CLDN14: variants seen among roughly 807,000 people sequenced by gnomAD.
The protein encoded by CLDN14 is claudin 14, also known as claudin-14.
CLDN14 carries 2 observed loss-of-function variants against 2.1 expected under a neutral mutation model. That is an observed-to-expected ratio of 0.96 (90% CI 0.39 to 3.01). CLDN14 has a LOEUF of 3.01. Among genes scored for constraint, CLDN14 ranks in the 30% most tolerant of loss-of-function variants. The probability of loss-of-function intolerance (pLI) is 0.09; values close to 1 mark genes in which losing one functional copy is unlikely to be tolerated. For missense variants in CLDN14, 298 were observed against 328.0 expected (o/e 0.91, Z 0.71); for synonymous variants, 136 against 154.4 (o/e 0.88, Z 0.88).
At chr21:36,478,407 G>A (rs1407389598) in intron 1 of CLDN14, among the ~76,000 whole-genome samples, 1 of 152,228 alleles carries the variant, frequency 6.6e-6, no homozygotes, top group Non-Finnish European at 1.5e-5. Flanking sequence ...GTCTACATAG[G>A]AATAGCTCCT....
upstream of CLDN14, chr21:36,480,417 G>C (rs2086832800): frequency 6.6e-6 from 1 of 152,298 alleles, no homozygotes; most frequent in South Asian, 2.1e-4. Context: ...TGACAGCGAT[G>C]TCCAGGAGGG....
chr21:36,533,694 C>T (rs1252854980), intron 1 of CLDN14, among the ~76,000 whole-genome samples: 5 of 152,118 alleles, frequency 3.3e-5, no homozygotes, highest in African/African-American at 2.4e-5. Context: ...TTTGTAGGAA[C>T]GTGGGTGGAG....
At chr21:36,476,528 C>T (rs2086782175) in intron 1 of CLDN14, among the ~76,000 whole-genome samples, 1 of 152,032 alleles carries the variant, frequency 6.6e-6, no homozygotes, top group East Asian at 1.9e-4. Flanking sequence ...TCTCAGCTCA[C>T]TGCAACCTCC....
rs1030511586 is a variant in CLDN14, at chr21:36,499,560, C to G, written c.-82+10803G>C. ...GTTGCAGGGGGCTTGTTGCAATGTC[C>G]GTACCAGGGCCCCAACCCAGACCTA... is the stretch of plus-strand genomic sequence containing the variant. On this transcript the variant is annotated intron_variant, in intron 2 of 2. Coordinates refer to the CLDN14 transcript ENST00000342108. The surrounding 1 kb of genome is among the most constrained non-coding windows in gnomAD (Gnocchi z 4.7). 6.6e-6 allele frequency among the ~76,000 whole-genome samples: 1 copy of G among 152,054 alleles called. No individual in the cohort carries two copies. The highest frequency in any genetic ancestry group is 2.4e-5 in the African/African-American group (1 of 41,410).
intron 1 of CLDN14, among the ~76,000 whole-genome samples, chr21:36,522,871 G>C (rs1035843374): frequency 2.0e-5 from 3 of 152,028 alleles, no homozygotes; most frequent in African/African-American, 7.2e-5. Context: ...TGTCTTCAAT[G>C]CCCTGCCATT....
intron 1 of CLDN14, among the ~76,000 whole-genome samples, chr21:36,537,122 G>A (rs1326055382): frequency 6.6e-6 from 1 of 152,196 alleles, no homozygotes; most frequent in African/African-American, 2.4e-5. Flanking sequence ...CCCGGGAGGT[G>A]GAGGTTGCAG....
At position 36,575,765 on chromosome 21, in the gene CLDN14, T is replaced by TTA. The variant is rs1169048698; in HGVS notation, c.-220+644_-220+645dup. On this transcript the variant is annotated intron_variant, in intron 1 of 2. Transcript: ENST00000342108. ...AGCTGTTGATGTCATTCCTCTGGAT[T>TTA]TATACCTGGTTTCACTGAACTACCT... 4.6e-5 allele frequency among the ~76,000 whole-genome samples: 7 copies of TTA among 152,310 alleles called. No homozygotes were observed. In the East Asian group the frequency reaches 1.4e-3, roughly 29 times the overall value.
At position 36,543,707 on chromosome 21, in the gene CLDN14, G is replaced by A. The variant is rs964692759; in HGVS notation, c.-220+32704C>T. ...CTGAGGCCAGTAGCTGAAGAATGGC[G>A]GAGCTGCGACTTGAACCCAGGCATC... is the stretch of plus-strand genomic sequence containing the variant. On this transcript the variant is annotated intron_variant, in intron 1 of 2. Coordinates refer to the CLDN14 transcript ENST00000342108. Among the ~76,000 whole-genome samples, 15 of 152,180 alleles carry A rather than the reference G, an allele frequency of 9.9e-5. No homozygotes were observed. The East Asian group carries it at 1.2e-3, about 12-fold the overall frequency.
At chr21:36,545,966 G>A (rs2087523673) in intron 1 of CLDN14, among the ~76,000 whole-genome samples, 1 of 152,182 alleles carries the variant, frequency 6.6e-6, no homozygotes, top group African/African-American at 2.4e-5. Flanking sequence ...CAGCAAGAGC[G>A]AGAACCAGTG....
At chr21:36,485,232 G>A (rs1261609826) in intron 2 of CLDN14, among the ~76,000 whole-genome samples, 1 of 150,492 alleles carries the variant, frequency 6.6e-6, no homozygotes, top group African/African-American at 2.4e-5. Context: ...TTTTTTGATG[G>A]CGTCTTAGTC....
At chr21:36,497,981 C>G (rs1399743452) in intron 2 of CLDN14, among the ~76,000 whole-genome samples, 1 of 151,722 alleles carries the variant, frequency 6.6e-6, no homozygotes, top group South Asian at 2.1e-4. Flanking sequence ...CAGGGTGACA[C>G]TGTTGTCAGC....
At chr21:36,463,182 T>C (rs2086601876) in intron 1 of CLDN14, among the ~76,000 whole-genome samples, 1 of 152,214 alleles carries the variant, frequency 6.6e-6, no homozygotes, top group South Asian at 2.1e-4. Context: ...GTCCCAGCCC[T>C]GGCTGCGCCC....
At chr21:36,559,857 T>C (rs893539677) in intron 1 of CLDN14, among the ~76,000 whole-genome samples, 3 of 152,232 alleles carry the variant, frequency 2.0e-5, no homozygotes, top group Non-Finnish European at 4.4e-5. Context: ...CAATAATTAC[T>C]AATCAGTTTT....
chr21:36,494,353 CAAATT>C lies in CLDN14; in HGVS notation c.-82+16005_-82+16009del, dbSNP rs199810181. Among the ~76,000 whole-genome samples the C allele has an allele frequency of 8.3e-3, 1,265 of 152,252 alleles. 16 individuals carry two copies. The highest frequency in any genetic ancestry group is 0.029 in the African/African-American group (1,185 of 41,546). Reference sequence around the variant, plus strand: ...GACAGGGCTGAGAGGATATTCCTAACAAATTAAAGTCCCCTGGGCTGGCCGTGGGA... The same window carrying C: ...GACAGGGCTGAGAGGATATTCCTAACAAAGTCCCCTGGGCTGGCCGTGGGA... On this transcript the variant is annotated intron_variant, in intron 2 of 2. Coordinates refer to the CLDN14 transcript ENST00000342108.
intron 1 of CLDN14, chr21:36,510,585 C>T (rs188339414): frequency 8.5e-5 from 13 of 152,374 alleles, no homozygotes; most frequent in Admixed American, 2.0e-4. Flanking sequence ...GGGCAGGCCT[C>T]GTGGCCCTGC....
rs372587843 is a variant in CLDN14, at chr21:36,508,949, A to G, written c.-82+1414T>C. On this transcript the variant is annotated intron_variant, in intron 2 of 2. Coordinates refer to the CLDN14 transcript ENST00000342108. Reference sequence around the variant, plus strand: ...GAGGAGGCTGCAAGTTTGAGGCAAAAAATGAATTCTCTGGAGGTAAAGAAG... The same window carrying G: ...GAGGAGGCTGCAAGTTTGAGGCAAAGAATGAATTCTCTGGAGGTAAAGAAG... 2.6e-4 allele frequency among the ~76,000 whole-genome samples: 39 copies of G among 152,260 alleles called. No individual in the cohort carries two copies. The East Asian group carries it at 7.0e-3, about 27-fold the overall frequency.
intron 2 of CLDN14, among the ~76,000 whole-genome samples, chr21:36,495,310 C>T (rs1339885022): frequency 6.6e-6 from 1 of 152,174 alleles, no homozygotes; most frequent in East Asian, 1.9e-4. Flanking sequence ...GCCTGGGCAA[C>T]AAGCGTGAAA....
chr21:36,507,956 C>T (rs954726040), intron 2 of CLDN14, among the ~76,000 whole-genome samples: 1 of 152,132 alleles, frequency 6.6e-6, no homozygotes, highest in Non-Finnish European at 1.5e-5. Flanking sequence ...TATATAATTA[C>T]CACATATATA....
intron 1 of CLDN14, among the ~76,000 whole-genome samples, chr21:36,475,533 G>A (rs2086767560): frequency 6.6e-6 from 1 of 152,184 alleles, no homozygotes; most frequent in Non-Finnish European, 1.5e-5. Flanking sequence ...TGATGTGCAG[G>A]CAGGTTTGAG....
Sources: allele counts gnomAD v4.1 joint callset (sites outside exome capture counted in the v4.1 genomes callset), GRCh38; gene constraint gnomAD v4.1.1; non-coding constraint Gnocchi (gnomAD v3.1); transcripts MANE v1.5; gene names NCBI Gene and HGNC (gene_info 2026-07-23, HGNC 2026-07-21).